The following VTI1A variants were observed in gnomAD, a reference collection of about 807,000 sequenced individuals.
VTI1A encodes vesicle transport through interaction with t-SNAREs 1A.
A neutral mutation model predicts 34.9 loss-of-function variants in VTI1A; 22 were observed. The ratio of observed to expected loss-of-function variants is 0.63; its 90% CI spans 0.45 to 0.90. VTI1A has a LOEUF of 0.90. Ranked by LOEUF, VTI1A falls within the 40% of genes least tolerant of loss-of-function variation. VTI1A has a pLI of 0.00. For missense variants in VTI1A, 268 were observed against 275.6 expected (o/e 0.97, Z 0.20); for synonymous variants, 87 against 97.3 (o/e 0.89, Z 0.62).
At chr10:112,727,929 C>T (rs1850099266) in intron 7 of VTI1A, among the ~76,000 whole-genome samples, 1 of 152,068 alleles carries the variant, frequency 6.6e-6, no homozygotes, top group Non-Finnish European at 1.5e-5. Context: ...TACCAGGCGG[C>T]CTGAGGACCG....
chr10:112,800,176 C>T (rs771939026), intron 7 of VTI1A, among the ~76,000 whole-genome samples: 8 of 152,180 alleles, frequency 5.3e-5, no homozygotes, highest in Non-Finnish European at 8.8e-5. Flanking sequence ...CCAAGGCAGC[C>T]GAGTCTTCAC....
chr10:112,692,713 G>A (rs557906250), intron 7 of VTI1A, among the ~76,000 whole-genome samples: 1 of 152,266 alleles, frequency 6.6e-6, no homozygotes, highest in East Asian at 1.9e-4. Flanking sequence ...TTTTTCACAC[G>A]TTAAAATAGA....
At chr10:112,478,790 A>G (rs1292949644) in intron 3 of VTI1A, among the ~76,000 whole-genome samples, 1 of 152,098 alleles carries the variant, frequency 6.6e-6, no homozygotes, top group Non-Finnish European at 1.5e-5. Flanking sequence ...TTTTATCTAG[A>G]GTTCATAATA....
chr10:112,758,626 T>G (rs576757163), intron 7 of VTI1A, among the ~76,000 whole-genome samples: 2 of 152,244 alleles, frequency 1.3e-5, no homozygotes, highest in African/African-American at 4.8e-5. Flanking sequence ...CTGAGAAGTG[T>G]GGGATCAGGC....
intron 7 of VTI1A, among the ~76,000 whole-genome samples, chr10:112,747,428 G>A (rs142038639): frequency 9.5e-4 from 144 of 152,302 alleles, no homozygotes; most frequent in African/African-American, 3.2e-3. Flanking sequence ...CTACACTCAT[G>A]TACAGCATTT....
chr10:112,686,840 G>T (rs1418545392), intron 7 of VTI1A, among the ~76,000 whole-genome samples: 1 of 152,054 alleles, frequency 6.6e-6, no homozygotes, highest in African/African-American at 2.4e-5. Flanking sequence ...TTTTTCTAAG[G>T]CTTCTGAAAG....
chr10:112,709,369 G>GC (rs1333766810), intron 7 of VTI1A, among the ~76,000 whole-genome samples: 3 of 151,944 alleles, frequency 2.0e-5, no homozygotes, highest in Admixed American at 6.6e-5. Context: ...AGACAGAACT[G>GC]CCCCCCTGGT....
intron 7 of VTI1A, among the ~76,000 whole-genome samples, chr10:112,681,036 A>C (rs565463562): frequency 6.6e-6 from 1 of 151,782 alleles, no homozygotes; most frequent in South Asian, 2.1e-4. Flanking sequence ...TGAAAGCTTC[A>C]ATCTTACCTT....
intron 7 of VTI1A, among the ~76,000 whole-genome samples, chr10:112,814,224 G>T (rs1853428729): frequency 6.6e-6 from 1 of 152,202 alleles, no homozygotes; most frequent in Admixed American, 6.5e-5. Flanking sequence ...CCCCATGGAA[G>T]ACCCATGTCC....
At chr10:112,455,665 C>CCCTTCCTT (rs144913637) in intron 1 of VTI1A, among the ~76,000 whole-genome samples, 4 of 125,220 alleles carry the variant, frequency 3.2e-5, no homozygotes, top group East Asian at 5.0e-4. Context: ...CTCCCTTCCT[C>CCCTTCCTT]CCTTCCTTCC....
At chr10:112,658,416 T>C (rs576391718) in intron 5 of VTI1A, among the ~76,000 whole-genome samples, 1 of 152,154 alleles carries the variant, frequency 6.6e-6, no homozygotes. Context: ...ACAGCCCACA[T>C]TTGTTCTAAA....
intron 5 of VTI1A, among the ~76,000 whole-genome samples, chr10:112,661,712 G>C (rs1182486354): frequency 6.7e-6 from 1 of 150,254 alleles, no homozygotes; most frequent in Non-Finnish European, 1.5e-5. Context: ...GAAAATTCAG[G>C]CTTCATTCTT....
intron 5 of VTI1A, among the ~76,000 whole-genome samples, chr10:112,551,446 A>G (rs1188603596): frequency 1.3e-5 from 2 of 152,082 alleles, no homozygotes; most frequent in African/African-American, 4.8e-5. Flanking sequence ...GATCTCTGCT[A>G]TAGCAAGAAA....
intron 5 of VTI1A, among the ~76,000 whole-genome samples, chr10:112,623,110 A>G (rs1375770869): frequency 6.6e-6 from 1 of 152,158 alleles, no homozygotes; most frequent in Admixed American, 6.6e-5. Flanking sequence ...GTTCAGGATT[A>G]TGTTTGATTG....
At chr10:112,479,556 C>T (rs1848396464) in intron 3 of VTI1A, among the ~76,000 whole-genome samples, 1 of 152,188 alleles carries the variant, frequency 6.6e-6, no homozygotes, top group Non-Finnish European at 1.5e-5. Flanking sequence ...CCTCACCATG[C>T]CCAGACAGAT....
At chr10:112,657,953 A>T (rs1391466307) in intron 5 of VTI1A, among the ~76,000 whole-genome samples, 1 of 152,174 alleles carries the variant, frequency 6.6e-6, no homozygotes, top group Non-Finnish European at 1.5e-5. Flanking sequence ...TGCAAAGATC[A>T]AAGGCCTAGG....
At chr10:112,819,827 A>G (rs540838167), downstream of VTI1A, among the ~76,000 whole-genome samples, 1 of 152,206 alleles carries the variant, frequency 6.6e-6, no homozygotes, top group African/African-American at 2.4e-5. Context: ...GAGTTTATAT[A>G]ACCATGGAAG....
chr10:112,752,555 G>A, intron 7 of VTI1A: 1 of 985,400 alleles, frequency 1.0e-6, no homozygotes. Context: ...CCTTCAGGGG[G>A]AACATGCTTT....
chr10:112,626,066 G>A (rs1034464381), intron 5 of VTI1A, among the ~76,000 whole-genome samples: 1 of 152,062 alleles, frequency 6.6e-6, no homozygotes, highest in Non-Finnish European at 1.5e-5. Context: ...TTTGGAAACT[G>A]CATCCTTTTT....
Sources: allele counts gnomAD v4.1 joint callset (sites outside exome capture counted in the v4.1 genomes callset), GRCh38; gene constraint gnomAD v4.1.1; transcripts MANE v1.5; gene names NCBI Gene and HGNC (gene_info 2026-07-23, HGNC 2026-07-21).